ADAM23: variants seen among roughly 807,000 people sequenced by gnomAD.
ADAM23 encodes the protein disintegrin and metalloproteinase domain-containing protein 23.
In ADAM23, 33 loss-of-function variants were observed where a neutral mutation model predicts 120.1. The observed-to-expected ratio is 0.27, with a 90% confidence interval of 0.21 to 0.37. ADAM23 has a LOEUF of 0.37. Ranked by LOEUF, ADAM23 falls within the 10% of genes least tolerant of loss-of-function variation. The pLI is 1.00. For missense variants in ADAM23, 862 were observed against 1,058.2 expected (o/e 0.81, Z 2.57); for synonymous variants, 367 against 375.2 (o/e 0.98, Z 0.25).
At chr2:206,549,269 T>C (rs986100925) in intron 8 of ADAM23, among the ~76,000 whole-genome samples, 4 of 151,196 alleles carry the variant, frequency 2.6e-5, no homozygotes, top group African/African-American at 9.7e-5. Context: ...ACATTTATTA[T>C]ATATTATATA....
At chr2:206,604,406 A>G (rs550839030) in intron 24 of ADAM23, among the ~76,000 whole-genome samples, 1 of 152,240 alleles carries the variant, frequency 6.6e-6, no homozygotes, top group South Asian at 2.1e-4. Flanking sequence ...GTTTGCCTCC[A>G]TAACTTGAAA....
At chr2:206,579,849 C>G (rs1698187622) in intron 18 of ADAM23, among the ~76,000 whole-genome samples, 1 of 152,092 alleles carries the variant, frequency 6.6e-6, no homozygotes, top group South Asian at 2.1e-4. Context: ...TTGATTCTAC[C>G]CATCTGTGAG....
At chr2:206,545,762 ACTCCAGTAAG>A (rs1483445045) in intron 6 of ADAM23, among the ~76,000 whole-genome samples, 1 of 152,176 alleles carries the variant, frequency 6.6e-6, no homozygotes, top group East Asian at 1.9e-4. Context: ...TATTTATCTC[ACTCCAGTAAG>A]GAAAGATAAT....
At chr2:206,470,874 C>T (rs1203398006) in intron 2 of ADAM23, among the ~76,000 whole-genome samples, 3 of 152,088 alleles carry the variant, frequency 2.0e-5, no homozygotes, top group African/African-American at 7.2e-5. Context: ...GGATCTCTGC[C>T]CCAGTAATGT....
intron 10 of ADAM23, among the ~76,000 whole-genome samples, chr2:206,558,448 T>C (rs1328931838): frequency 2.0e-5 from 3 of 152,202 alleles, no homozygotes; most frequent in Non-Finnish European, 4.4e-5. Flanking sequence ...CCTCCAATCA[T>C]GTAAATATTC....
intron 24 of ADAM23, among the ~76,000 whole-genome samples, chr2:206,600,540 A>G (rs375135846): frequency 3.3e-5 from 5 of 152,330 alleles, no homozygotes; most frequent in Admixed American, 6.5e-5. Flanking sequence ...ATCAAGACCA[A>G]ATTAGTAAAA....
intron 6 of ADAM23, among the ~76,000 whole-genome samples, chr2:206,546,047 A>G (rs1246251618): frequency 2.0e-5 from 3 of 152,258 alleles, no homozygotes; most frequent in Non-Finnish European, 4.4e-5. Flanking sequence ...ATTTATAAAT[A>G]TAAACTATTG....
At chr2:206,478,737 A>C (rs1331344698) in intron 2 of ADAM23, among the ~76,000 whole-genome samples, 1 of 152,206 alleles carries the variant, frequency 6.6e-6, no homozygotes, top group Admixed American at 6.5e-5. Flanking sequence ...CCTACAGGCC[A>C]TATTCATTTT....
At chr2:206,617,445 C>A (rs1201937540) in intron 25 of ADAM23, 134 bp from the exon 26 acceptor site, 1 of 925,354 alleles carries the variant, frequency 1.1e-6, no homozygotes. Flanking sequence ...TTGGAGACTG[C>A]CTCCATGTGA....
intron 4 of ADAM23, among the ~76,000 whole-genome samples, chr2:206,537,740 A>G (rs745671020): frequency 7.9e-5 from 12 of 152,110 alleles, no homozygotes; most frequent in Non-Finnish European, 1.3e-4. Flanking sequence ...CCACTCCTAT[A>G]CTAAAAATGA....
chr2:206,448,985 T>C lies in ADAM23; in HGVS notation c.432+3461T>C, dbSNP rs1574473024. Among the ~76,000 whole-genome samples the C allele has an allele frequency of 2.0e-5, 3 of 152,342 alleles. No homozygotes were observed. In the Middle Eastern group the frequency reaches 0.01, roughly 518 times the overall value. On this transcript the variant is annotated intron_variant, in intron 2 of 25. Transcript: ENST00000264377. ...AGGAGCACAGGCCTCCATCTGGGGCTTGAGATTGGCATCTGAAGTGGGCAT... is the reference window on the plus strand; with the variant it reads ...AGGAGCACAGGCCTCCATCTGGGGCCTGAGATTGGCATCTGAAGTGGGCAT...
In ADAM23 at chr2:206,456,931, A is replaced by G. The variant is rs1019458581; in HGVS notation, c.432+11407A>G. On this transcript the variant is annotated intron_variant, in intron 2 of 25. Transcript: ENST00000264377. ...GGTTATTTAATAATTTACTGCATCA[A>G]GTTGTAGTCTGAATCACTTAGTCGG... is the stretch of plus-strand genomic sequence containing the variant. Among the ~76,000 whole-genome samples the G allele has an allele frequency of 3.4e-4, 51 of 152,142 alleles. 1 individual carries two copies. Among genetic ancestry groups the G allele is most frequent in the African/African-American group, 1.2e-3 (50 of 41,424 alleles).
At chr2:206,539,902 A>G (rs755284684) in intron 4 of ADAM23, among the ~76,000 whole-genome samples, 1 of 152,222 alleles carries the variant, frequency 6.6e-6, no homozygotes, top group African/African-American at 2.4e-5. Context: ...ATTAAATTGG[A>G]AGCTACCAAA....
chr2:206,592,803 C>A lies in ADAM23; in HGVS notation c.2078+67C>A, dbSNP rs1698450633. The A allele has an allele frequency of 4.6e-6, 7 of 1,507,758 alleles. No homozygotes were observed. In the South Asian group the frequency reaches 6.5e-5, roughly 14 times the overall value. 93.4% of individuals were successfully genotyped at this position (1,507,758 alleles called of 1,614,324 possible). On this transcript the variant is annotated intron_variant, in intron 22 of 25. Transcript: ENST00000264377. ...TTACAAATTTCACAAAATGAAATTTCAAAAAAATCAGAAATCAAAGATTTT... is the reference window on the plus strand; with the variant it reads ...TTACAAATTTCACAAAATGAAATTTAAAAAAAATCAGAAATCAAAGATTTT...
At chr2:206,457,221 A>G (rs943270952) in intron 2 of ADAM23, among the ~76,000 whole-genome samples, 2 of 152,196 alleles carry the variant, frequency 1.3e-5, no homozygotes, top group African/African-American at 4.8e-5. Context: ...GCACTTTCAT[A>G]TCTATAATCT....
chr2:206,497,532 C>G (rs1413013169), intron 3 of ADAM23, among the ~76,000 whole-genome samples: 2 of 152,056 alleles, frequency 1.3e-5, no homozygotes, highest in Admixed American at 1.3e-4. Context: ...TATGACAAAC[C>G]CACAGCCAAT....
chr2:206,611,482 A>C (rs1308545525), intron 25 of ADAM23, among the ~76,000 whole-genome samples: 3 of 152,196 alleles, frequency 2.0e-5, no homozygotes, highest in Admixed American at 6.5e-5. Context: ...ACATTATAGT[A>C]CTGCCATACT....
intron 14 of ADAM23, among the ~76,000 whole-genome samples, chr2:206,566,192 T>A (rs1697874603): frequency 6.7e-6 from 1 of 148,714 alleles, no homozygotes; most frequent in Admixed American, 6.7e-5. Flanking sequence ...ACATATAATA[T>A]CTTTAATATA....
intron 10 of ADAM23, among the ~76,000 whole-genome samples, chr2:206,558,183 T>A (rs539500446): frequency 1.4e-4 from 22 of 152,324 alleles, no homozygotes; most frequent in African/African-American, 5.1e-4. Flanking sequence ...TCTATAGATA[T>A]GAACATTATA....
Sources: allele counts gnomAD v4.1 joint callset (sites outside exome capture counted in the v4.1 genomes callset), GRCh38; gene constraint gnomAD v4.1.1; transcripts MANE v1.5; gene names NCBI Gene and HGNC (gene_info 2026-07-23, HGNC 2026-07-21).